The following NIPSNAP1 variants were observed in gnomAD, a reference collection of about 807,000 sequenced individuals.
NIPSNAP1 encodes the protein nipsnap homolog 1.
Under a neutral mutation model 49.2 loss-of-function variants are expected in NIPSNAP1, and 25 were observed. That is an observed-to-expected ratio of 0.51 (90% CI 0.37 to 0.71). The LOEUF is 0.71. Among genes scored for constraint, NIPSNAP1 ranks in the 30% least tolerant of loss-of-function variants. The probability of loss-of-function intolerance (pLI) is 0.00; values close to 1 mark genes in which losing one functional copy is unlikely to be tolerated. For missense variants in NIPSNAP1, 294 were observed against 361.0 expected, an observed-to-expected ratio of 0.81 and a Z score of 1.50; for synonymous variants, 143 against 140.7, an observed-to-expected ratio of 1.02 and a Z score of -0.12.
chr22:29,559,899 A>C (rs1020916858), intron 8 of NIPSNAP1, among the ~76,000 whole-genome samples: 6 of 152,210 alleles, frequency 3.9e-5, no homozygotes, highest in Non-Finnish European at 7.3e-5. Flanking sequence ...TACTAGAACA[A>C]AAATCAGGTC....
At chr22:29,569,824 A>G (rs923435862) in intron 3 of NIPSNAP1, 4 of 383,752 alleles carry the variant, frequency 1.0e-5, no homozygotes, top group African/African-American at 2.1e-5. Flanking sequence ...CCCTGTCTCT[A>G]CTAAATACAA....
chr22:29,561,495 G>A lies in NIPSNAP1; in HGVS notation c.579+11C>T. ...TTGGGGGGCAGGAGGGGGTCTGTCGGAGGGAGGCACCTTGAGCTTGTATGT... is the reference window on the plus strand; with the variant it reads ...TTGGGGGGCAGGAGGGGGTCTGTCGAAGGGAGGCACCTTGAGCTTGTATGT... On this transcript the variant is annotated intron_variant, in intron 6 of 9. Coordinates refer to ENST00000216121, the MANE Select transcript of NIPSNAP1 (RefSeq NM_003634.4). The A allele has an allele frequency of 6.2e-7, 1 of 1,613,940 alleles. No homozygotes were observed. Among genetic ancestry groups the A allele is most frequent in the East Asian group, 2.2e-5 (1 of 44,884 alleles).
At chr22:29,580,351 C>G (rs933884694) in intron 1 of NIPSNAP1, 9 of 853,844 alleles carry the variant, frequency 1.1e-5, no homozygotes, top group Non-Finnish European at 1.3e-5. Flanking sequence ...AACAAAAGCC[C>G]AGGCTGAGAG....
Position 29,570,491 on chromosome 22 carries a change from A to C in NIPSNAP1, c.140T>G (p.Leu47Arg), listed in dbSNP as rs1222257761. The change falls in exon 2 of 10, where the codon CTC becomes CGC. Residue 47 changes from leucine (L) to arginine (R), a missense_variant. Leu to Arg is a moderately radical substitution (Grantham distance 102). Coordinates refer to ENST00000216121, the MANE Select transcript of NIPSNAP1 (RefSeq NM_003634.4). ...KDNEGSWFRS[L>R]FVHKVDPRKD... The stretch of plus-strand genomic sequence containing the variant: ...CCGGGGATCCACTTTGTGAACAAAG[A>C]GGGAGCGGAACCAGCTGCCTTCATT... 1 of 1,614,020 alleles carries C rather than the reference A, an allele frequency of 6.2e-7. No homozygotes were observed. Among genetic ancestry groups the C allele is most frequent in the African/African-American group, 1.3e-5 (1 of 74,920 alleles).
In NIPSNAP1 at chr22:29,560,750, C is replaced by G; in HGVS notation, c.690G>C (p.Val230=). 6.2e-7 allele frequency: 1 copy of G among 1,614,076 alleles called. No individual in the cohort carries two copies. Among genetic ancestry groups the G allele is most frequent in the Non-Finnish European group, 8.5e-7 (1 of 1,180,006 alleles). The change falls in exon 8 of 10, where the codon GTG becomes GTC. Residue 230 remains valine (V), a synonymous_variant. Transcript: ENST00000216121. The part of the protein sequence containing the change: ...GFFSQIGELY[V]VHHLWAYKDL... Reference sequence around the variant, plus strand: ...TCAACCTACCCCAGAGATGGTGCACCACGTAGAGCTCTCCTATCTGTGAGA... The same window carrying G: ...TCAACCTACCCCAGAGATGGTGCACGACGTAGAGCTCTCCTATCTGTGAGA...
At chr22:29,577,171 C>T (rs2064459121) in intron 1 of NIPSNAP1, among the ~76,000 whole-genome samples, 1 of 150,882 alleles carries the variant, frequency 6.6e-6, no homozygotes, top group South Asian at 2.1e-4. Context: ...TCACTGCATC[C>T]TCTATCTCCC....
intron 4 of NIPSNAP1, among the ~76,000 whole-genome samples, chr22:29,567,823 C>T (rs533431527): frequency 1.6e-3 from 238 of 151,604 alleles, no homozygotes; most frequent in African/African-American, 5.4e-3. Context: ...CCACTGCACT[C>T]CCCACTGGGT....
intron 2 of NIPSNAP1, 60 bp downstream of exon 2, chr22:29,570,345 C>G: frequency 1.2e-6 from 2 of 1,612,938 alleles, no homozygotes; most frequent in Non-Finnish European, 1.7e-6. Context: ...CTTCCTGGAG[C>G]CTCACAGGCC....
At position 29,555,753 on chromosome 22, in the gene NIPSNAP1, GC is replaced by G. The variant is rs2064289502; in HGVS notation, c.*181del. ...GAGGCAGGCAGGGAAAGTAGAAAGGGCCTGGGCAGAGCTGTAATCCTCAGAA... is the reference window on the plus strand; with the variant it reads ...GAGGCAGGCAGGGAAAGTAGAAAGGGCTGGGCAGAGCTGTAATCCTCAGAA... On this transcript the variant is annotated 3_prime_UTR_variant, in exon 10 of 10. Coordinates refer to ENST00000216121, the MANE Select transcript of NIPSNAP1 (RefSeq NM_003634.4). The G allele has an allele frequency of 3.0e-6, 2 of 657,306 alleles. No individual in the cohort carries two copies. Among genetic ancestry groups the G allele is most frequent in the Non-Finnish European group, 5.6e-6 (2 of 356,130 alleles). The allele number at this position is 657,306 out of a possible 1,614,324, so 40.7% of individuals were successfully genotyped here. A position where few individuals can be genotyped will look rare whatever the true frequency, so the allele number is the denominator to read the frequency against.
At chr22:29,558,835 G>A (rs1221941768) in intron 9 of NIPSNAP1, 35 bp downstream of exon 9, 1 of 1,469,040 alleles carries the variant, frequency 6.8e-7, no homozygotes, top group South Asian at 1.1e-5. Flanking sequence ...CTCAGACAGG[G>A]TTCTCAGCAG....
intron 1 of NIPSNAP1, among the ~76,000 whole-genome samples, chr22:29,573,338 G>A (rs2064424840): frequency 6.6e-6 from 1 of 152,110 alleles, no homozygotes; most frequent in African/African-American, 2.4e-5. Context: ...CTGGGCCAAA[G>A]TGGTGATATG....
chr22:29,568,514 C>T (rs921868601), intron 4 of NIPSNAP1, among the ~76,000 whole-genome samples: 1 of 149,964 alleles, frequency 6.7e-6, no homozygotes, highest in African/African-American at 2.5e-5. Context: ...AAAAAAAGGC[C>T]GGGTGCGGTG....
In NIPSNAP1 at chr22:29,555,930, C is replaced by T; in HGVS notation, c.*5G>A. 6.4e-7 allele frequency: 1 copy of T among 1,551,336 alleles called. No homozygotes were observed. Among genetic ancestry groups the T allele is most frequent in the Non-Finnish European group, 8.7e-7 (1 of 1,146,698 alleles). On this transcript the variant is annotated 3_prime_UTR_variant, in exon 10 of 10. Transcript: ENST00000216121. ...AAGGGGAAGGAGGTGGAGGTGTAGG[C>T]AGCATCACTGCAGAGGCGAGATCTT...
chr22:29,578,619 G>A (rs1437804310), intron 1 of NIPSNAP1, among the ~76,000 whole-genome samples: 2 of 151,276 alleles, frequency 1.3e-5, no homozygotes, highest in Non-Finnish European at 2.9e-5. Context: ...AGGACAGAGT[G>A]TTCTCAGGTA....
At chr22:29,565,153 A>G (rs1358090710) in intron 4 of NIPSNAP1, among the ~76,000 whole-genome samples, 1 of 151,902 alleles carries the variant, frequency 6.6e-6, no homozygotes, top group Non-Finnish European at 1.5e-5. Flanking sequence ...ACAGTGAACT[A>G]TGATCATGCC....
intron 8 of NIPSNAP1, among the ~76,000 whole-genome samples, 161 bp downstream of exon 8, chr22:29,560,573 T>G (rs2064328344): frequency 6.6e-6 from 1 of 152,148 alleles, no homozygotes; most frequent in African/African-American, 2.4e-5. Context: ...TAAATATTAT[T>G]TGTAATCTGA....
intron 4 of NIPSNAP1, among the ~76,000 whole-genome samples, chr22:29,568,206 C>T (rs1409747380): frequency 7.9e-6 from 1 of 127,284 alleles, no homozygotes; most frequent in African/African-American, 3.1e-5. Flanking sequence ...AAAAAAAGGC[C>T]GGGAGTGGTG....
chr22:29,560,326 C>T (rs760301238), intron 8 of NIPSNAP1, among the ~76,000 whole-genome samples: 8 of 151,826 alleles, frequency 5.3e-5, no homozygotes, highest in Non-Finnish European at 1.2e-4. Flanking sequence ...CAGCTCACTG[C>T]AACCTCCACC....
At chr22:29,580,258 A>AGATGGGG in intron 1 of NIPSNAP1, 1 of 1,282,732 alleles carries the variant, frequency 7.8e-7, no homozygotes, top group Non-Finnish European at 1.0e-6. Flanking sequence ...GGGGAAGTAC[A>AGATGGGG]GGGCTGTGGG....
Sources: gnomAD v4.1 joint callset for allele counts (sites outside exome capture counted in the v4.1 genomes callset) on GRCh38, gnomAD v4.1.1 for gene constraint, MANE v1.5 for transcripts, NCBI Gene and HGNC (gene_info 2026-07-23, HGNC 2026-07-21) for gene names.